The following PRR16 variants were observed in gnomAD, a reference collection of about 807,000 sequenced individuals.
PRR16 encodes the protein protein Largen.
In PRR16, 6 loss-of-function variants were observed where a neutral mutation model predicts 18.2. That is an observed-to-expected ratio of 0.33 (90% CI 0.18 to 0.65). The LOEUF is 0.65. PRR16 is among the 30% of genes least tolerant of loss of function. The pLI is 0.74. For synonymous variants in PRR16, 151 were observed against 147.8 expected, an observed-to-expected ratio of 1.02 and a Z score of -0.16; for missense variants, 412 against 376.6, an observed-to-expected ratio of 1.09 and a Z score of -0.78.
At chr5:120,666,081 T>A (rs1218233648) in intron 1 of PRR16, among the ~76,000 whole-genome samples, 2 of 152,200 alleles carry the variant, frequency 1.3e-5, no homozygotes, top group Non-Finnish European at 2.9e-5. Flanking sequence ...TGATTCTTCC[T>A]ACCCATGAGC....
the PRR16 span, among the ~76,000 whole-genome samples, chr5:120,749,785 A>G: frequency 1.3e-5 from 2 of 152,188 alleles, no homozygotes; most frequent in Non-Finnish European, 2.9e-5. Context: ...GAATATGCAC[A>G]TGGATATTCT....
the PRR16 span, among the ~76,000 whole-genome samples, chr5:120,717,982 A>G: frequency 2.0e-5 from 3 of 152,114 alleles, no homozygotes; most frequent in South Asian, 2.1e-4. Flanking sequence ...TTCCCTCCTC[A>G]ATCTAAAAAT....
intron 1 of PRR16, among the ~76,000 whole-genome samples, chr5:120,617,552 G>A (rs989374863): frequency 2.3e-4 from 35 of 151,984 alleles, no homozygotes; most frequent in Non-Finnish European, 3.5e-4. Flanking sequence ...AAGATTTAAC[G>A]TCCAAGGTAT....
At chr5:120,475,567 G>C (rs971918640) in intron 1 of PRR16, among the ~76,000 whole-genome samples, 4 of 151,860 alleles carry the variant, frequency 2.6e-5, no homozygotes, top group African/African-American at 7.3e-5. Context: ...GCAAGACCCT[G>C]TTTCTATAAG....
chr5:120,774,122 TATTTA>T, the PRR16 span, among the ~76,000 whole-genome samples: 1 of 152,084 alleles, frequency 6.6e-6, no homozygotes, highest in South Asian at 2.1e-4. Flanking sequence ...TAAGGTTGAG[TATTTA>T]ATTTCTTAAA....
At chr5:120,645,858 C>A (rs1370978423) in intron 1 of PRR16, among the ~76,000 whole-genome samples, 5 of 151,686 alleles carry the variant, frequency 3.3e-5, no homozygotes, top group African/African-American at 1.2e-4. Context: ...AAATATACAC[C>A]ATGTAATCTT....
intron 1 of PRR16, among the ~76,000 whole-genome samples, chr5:120,679,255 A>AT (rs1031252872): frequency 6.6e-6 from 1 of 152,018 alleles, no homozygotes; most frequent in African/African-American, 2.4e-5. Context: ...TTTCAGATAC[A>AT]TTTTTTTCTA....
chr5:120,654,155 C>T (rs758793505), intron 1 of PRR16, among the ~76,000 whole-genome samples: 6 of 151,956 alleles, frequency 3.9e-5, no homozygotes, highest in Admixed American at 6.6e-5. Context: ...TGATTTGCTG[C>T]CCCTTCTCCC....
At chr5:120,678,217 G>A (rs1223917848) in intron 1 of PRR16, among the ~76,000 whole-genome samples, 1 of 152,146 alleles carries the variant, frequency 6.6e-6, no homozygotes, top group Non-Finnish European at 1.5e-5. Flanking sequence ...AAGCTTTGGA[G>A]CAAGGCTTTA....
intron 1 of PRR16, among the ~76,000 whole-genome samples, chr5:120,618,782 C>G (rs776094784): frequency 6.6e-6 from 1 of 150,956 alleles, no homozygotes; most frequent in Non-Finnish European, 1.5e-5. Context: ...TATGTGAATT[C>G]ACCTCGAAGC....
rs143942948 is a variant in PRR16 at position 120,577,868 on chromosome 5, A to C, written c.160-108086A>C. Reference sequence around the variant, plus strand: ...AGTATATTAATTTTTACAGATTTGGAAACCTATGAGGTTACTAACTTACTT... The same window carrying C: ...AGTATATTAATTTTTACAGATTTGGCAACCTATGAGGTTACTAACTTACTT... On this transcript the variant is annotated intron_variant, in intron 1 of 1. Coordinates refer to ENST00000407149, the MANE Select transcript of PRR16 (RefSeq NM_001300783.2). Among the ~76,000 whole-genome samples the C allele has an allele frequency of 4.1e-4, 62 of 152,338 alleles. No individual in the cohort carries two copies. In the East Asian group the frequency reaches 0.012, roughly 29 times the overall value.
rs183467662 is a variant in PRR16 at position 120,497,333 on chromosome 5, C to T, written c.159+32688C>T. On this transcript the variant is annotated intron_variant, in intron 1 of 1. Transcript: ENST00000407149. ...AACTATAATTGTGTTTTTTTTTTCT[C>T]GTTTTCCTTTTAGTTCTATCAGTTT... Among the ~76,000 whole-genome samples, 8 of 136,980 alleles carry T rather than the reference C, an allele frequency of 5.8e-5. No individual in the cohort carries two copies. In the East Asian group the frequency reaches 6.1e-4, roughly 10 times the overall value. 89.9% of individuals were successfully genotyped at this position (136,980 alleles called of 152,430 possible). A position where few individuals can be genotyped will look rare whatever the true frequency, so the allele number is the denominator to read the frequency against.
intron 1 of PRR16, among the ~76,000 whole-genome samples, chr5:120,625,969 G>C (rs1285802386): frequency 2.0e-5 from 3 of 151,990 alleles, no homozygotes; most frequent in Non-Finnish European, 2.9e-5. Context: ...ATATTGAACT[G>C]GTTTAGAAAC....
At chr5:120,642,526 A>C (rs1755457465) in intron 1 of PRR16, among the ~76,000 whole-genome samples, 1 of 152,044 alleles carries the variant, frequency 6.6e-6, no homozygotes, top group Non-Finnish European at 1.5e-5. Context: ...AAAAATGTAT[A>C]AACTGTCTTG....
intron 1 of PRR16, among the ~76,000 whole-genome samples, chr5:120,604,398 T>A (rs1754084501): frequency 6.6e-6 from 1 of 152,170 alleles, no homozygotes; most frequent in Admixed American, 6.5e-5. Flanking sequence ...TTCCATTTGC[T>A]TGATAGATCC....
chr5:120,631,234 A>G (rs986465790), intron 1 of PRR16, among the ~76,000 whole-genome samples: 1 of 152,160 alleles, frequency 6.6e-6, no homozygotes, highest in African/African-American at 2.4e-5. Flanking sequence ...CAGATAAGAG[A>G]CAAAACTAGC....
intron 1 of PRR16, among the ~76,000 whole-genome samples, chr5:120,567,271 C>A (rs1280030436): frequency 1.3e-5 from 2 of 152,224 alleles, no homozygotes; most frequent in East Asian, 3.9e-4. Context: ...CTCTTTTCTG[C>A]AGCACAATCT....
the PRR16 span, among the ~76,000 whole-genome samples, chr5:120,709,033 A>G: frequency 1.0e-5 from 1 of 99,582 alleles, no homozygotes; most frequent in Non-Finnish European, 1.7e-5. Context: ...TTTGAGACAG[A>G]GTCTTGCTCT....
intron 1 of PRR16, among the ~76,000 whole-genome samples, chr5:120,578,478 A>G (rs1753155116): frequency 1.3e-5 from 2 of 152,072 alleles, no homozygotes; most frequent in South Asian, 4.1e-4. Context: ...ACTCCAACTT[A>G]CAAGTGAGAA....
Sources: gnomAD v4.1 joint callset for allele counts (sites outside exome capture counted in the v4.1 genomes callset) on GRCh38, gnomAD v4.1.1 for gene constraint, MANE v1.5 for transcripts, NCBI Gene and HGNC (gene_info 2026-07-23, HGNC 2026-07-21) for gene names.